ACCSL: variants seen among roughly 807,000 people sequenced by gnomAD.
ACCSL encodes the protein 1-aminocyclopropane-1-carboxylate synthase homolog (inactive) like, also known as probable inactive 1-aminocyclopropane-1-carboxylate synthase-like protein 2.
In ACCSL, 55 loss-of-function variants were observed where a neutral mutation model predicts 61.7. That is an observed-to-expected ratio of 0.89 (90% CI 0.72 to 1.12). The LOEUF (loss-of-function observed/expected upper bound fraction) is 1.12, where lower values mean the gene tolerates loss of function less well. Among genes scored for constraint, ACCSL ranks in the 50% most tolerant of loss-of-function variants. The probability of loss-of-function intolerance (pLI) is 0.00; values close to 1 mark genes in which losing one functional copy is unlikely to be tolerated. For missense variants in ACCSL, 632 were observed against 698.0 expected (o/e 0.91, Z 1.07); for synonymous variants, 258 against 264.3 (o/e 0.98, Z 0.23).
chr11:44,054,512 A>C (rs1952659271), intron 8 of ACCSL, among the ~76,000 whole-genome samples: 1 of 148,942 alleles, frequency 6.7e-6, no homozygotes, highest in Non-Finnish European at 1.5e-5. Context: ...GCTGGAGTGC[A>C]GTGGTGGGAT....
the ACCSL span, among the ~76,000 whole-genome samples, chr11:44,012,851 C>A: frequency 6.6e-6 from 1 of 152,192 alleles, no homozygotes; most frequent in Non-Finnish European, 1.5e-5. Context: ...TGTAAGGTGG[C>A]TCTTTCCATA....
At chr11:43,992,981 C>T in the ACCSL span, among the ~76,000 whole-genome samples, 86,767 of 152,060 alleles carry the variant, frequency 0.57, 25,878 homozygotes, top group African/African-American at 0.76. Flanking sequence ...TGGCAGAAAG[C>T]GAAAGTGAGA....
At chr11:43,955,168 T>A in the ACCSL span, among the ~76,000 whole-genome samples, 2 of 152,242 alleles carry the variant, frequency 1.3e-5, no homozygotes, top group South Asian at 4.2e-4. Context: ...CTGCTAATGG[T>A]CCACAAAAGT....
the ACCSL span, among the ~76,000 whole-genome samples, chr11:43,951,312 A>G: frequency 5.6e-4 from 85 of 152,320 alleles, no homozygotes; most frequent in East Asian, 0.012. Context: ...AAGGCCACCC[A>G]AGGAGCCCAG....
the ACCSL span, among the ~76,000 whole-genome samples, chr11:43,990,792 GGGT>G: frequency 6.6e-6 from 1 of 152,130 alleles, no homozygotes; most frequent in Non-Finnish European, 1.5e-5. Context: ...CTAAAGCCAG[GGGT>G]GTGCCGTGGC....
the ACCSL span, chr11:43,942,903 C>T: frequency 5.8e-6 from 8 of 1,386,252 alleles, no homozygotes; most frequent in South Asian, 9.5e-5. Context: ...GCCGGAGGCG[C>T]CATGGCCGCC....
the ACCSL span, chr11:43,944,615 G>A: frequency 6.6e-6 from 1 of 152,426 alleles, no homozygotes; most frequent in Non-Finnish European, 1.5e-5. Context: ...GAGAAAACAA[G>A]CCTAGGGTAA....
the ACCSL span, among the ~76,000 whole-genome samples, chr11:43,934,766 C>T: frequency 6.6e-6 from 1 of 152,300 alleles, no homozygotes; most frequent in South Asian, 2.1e-4. Context: ...ACGTTCTGCC[C>T]CAACCTGGTT....
the ACCSL span, among the ~76,000 whole-genome samples, chr11:43,970,114 G>A: frequency 2.6e-5 from 4 of 152,132 alleles, no homozygotes; most frequent in East Asian, 1.9e-4. Flanking sequence ...CCAGGAGTTC[G>A]GGACCATCCT....
the ACCSL span, among the ~76,000 whole-genome samples, chr11:43,958,612 C>A: frequency 6.6e-6 from 1 of 152,224 alleles, no homozygotes; most frequent in African/African-American, 2.4e-5. Context: ...GCAATGTGAA[C>A]CCCTTGGGCA....
upstream of ACCSL, among the ~76,000 whole-genome samples, chr11:44,045,784 G>A (rs1489307886): frequency 6.6e-6 from 1 of 152,134 alleles, no homozygotes; most frequent in Admixed American, 6.5e-5. Flanking sequence ...TAAAATTCTG[G>A]GACCATGGGC....
the ACCSL span, among the ~76,000 whole-genome samples, chr11:43,928,202 G>A: frequency 1.3e-5 from 2 of 152,196 alleles, no homozygotes; most frequent in Non-Finnish European, 2.9e-5. Context: ...ATCAGGCGTA[G>A]GAGCTGGCTT....
chr11:43,957,838 G>GC, the ACCSL span, among the ~76,000 whole-genome samples: 11 of 152,092 alleles, frequency 7.2e-5, no homozygotes, highest in South Asian at 8.3e-4. Flanking sequence ...ATGTGTGACC[G>GC]CCCCCCCAAC....
At chr11:43,975,292 C>G in the ACCSL span, among the ~76,000 whole-genome samples, 1 of 152,186 alleles carries the variant, frequency 6.6e-6, no homozygotes, top group Non-Finnish European at 1.5e-5. Context: ...TTCTAAGCCT[C>G]TCCGGATGCA....
At chr11:43,958,938 G>A in the ACCSL span, among the ~76,000 whole-genome samples, 5 of 152,084 alleles carry the variant, frequency 3.3e-5, no homozygotes, top group African/African-American at 4.8e-5. Flanking sequence ...CCAAGATGGC[G>A]TCCTGTTGCT....
chr11:44,027,156 T>C, the ACCSL span, among the ~76,000 whole-genome samples: 4 of 152,214 alleles, frequency 2.6e-5, no homozygotes, highest in African/African-American at 7.2e-5. Flanking sequence ...TTCTCAGCCT[T>C]TGCCAAGAGG....
chr11:44,058,963 C>T (rs1464699118), intron 13 of ACCSL, among the ~76,000 whole-genome samples: 1 of 152,088 alleles, frequency 6.6e-6, no homozygotes, highest in African/African-American at 2.4e-5. Context: ...TACTCTGAGG[C>T]CAGGTGCGGT....
chr11:44,004,022 A>G, the ACCSL span, among the ~76,000 whole-genome samples: 4 of 152,084 alleles, frequency 2.6e-5, no homozygotes, highest in Admixed American at 6.5e-5. Context: ...CCAGACCCCT[A>G]TCCTGGGGTA....
the ACCSL span, among the ~76,000 whole-genome samples, chr11:44,037,260 T>C: frequency 6.6e-6 from 1 of 152,246 alleles, no homozygotes; most frequent in African/African-American, 2.4e-5. Flanking sequence ...ATTCTAATCC[T>C]ATCACTAGAT....
Sources: allele counts gnomAD v4.1 joint callset (sites outside exome capture counted in the v4.1 genomes callset), GRCh38; gene constraint gnomAD v4.1.1; transcripts MANE v1.5; gene names NCBI Gene and HGNC (gene_info 2026-07-23, HGNC 2026-07-21).